STK32B: variants seen among roughly 807,000 people sequenced by gnomAD.
STK32B encodes the protein serine/threonine-protein kinase 32B.
A neutral mutation model predicts 52.6 loss-of-function variants in STK32B; 43 were observed. The observed-to-expected ratio is 0.82, with a 90% CI of 0.64 to 1.05. STK32B has a LOEUF of 1.05. Ranked by LOEUF, STK32B falls within the 50% of genes least tolerant of loss-of-function variation. STK32B has a pLI of 0.00. For missense variants in STK32B, 621 were observed against 534.6 expected, an observed-to-expected ratio of 1.16 and a Z score of -1.59; for synonymous variants, 238 against 204.3, an observed-to-expected ratio of 1.17 and a Z score of -1.41.
the STK32B span, among the ~76,000 whole-genome samples, chr4:5,029,127 A>G: frequency 0.66 from 100,475 of 152,044 alleles, 33,774 homozygotes; most frequent in East Asian, 0.96. Flanking sequence ...AGGGATTACA[A>G]TTGAACATGA....
At chr4:5,264,557 C>T (rs1156770836) in intron 3 of STK32B, among the ~76,000 whole-genome samples, 5 of 152,058 alleles carry the variant, frequency 3.3e-5, no homozygotes, top group African/African-American at 4.8e-5. Context: ...GAGGCTGAGG[C>T]GGGCGGATCA....
chr4:5,264,212 T>C (rs1245015920), intron 3 of STK32B, among the ~76,000 whole-genome samples: 1 of 152,190 alleles, frequency 6.6e-6, no homozygotes, highest in Non-Finnish European at 1.5e-5. Context: ...AGTAAGCATA[T>C]TTGTAGCTTT....
chr4:5,312,263 T>A (rs1454245498), intron 3 of STK32B, among the ~76,000 whole-genome samples: 1 of 150,918 alleles, frequency 6.6e-6, no homozygotes, highest in Non-Finnish European at 1.5e-5. Context: ...TTTAGTTTTT[T>A]TTTTATTTTA....
intron 1 of STK32B, among the ~76,000 whole-genome samples, chr4:5,128,168 A>G (rs1173886723): frequency 6.6e-6 from 1 of 152,220 alleles, no homozygotes; most frequent in Non-Finnish European, 1.5e-5. Flanking sequence ...CACAGGGAGC[A>G]TGGTCCTGAG....
At chr4:5,389,564 C>A (rs779876399) in intron 4 of STK32B, among the ~76,000 whole-genome samples, 3 of 152,198 alleles carry the variant, frequency 2.0e-5, no homozygotes, top group Non-Finnish European at 4.4e-5. Context: ...TTTGAGTCTA[C>A]TCTAATGTCC....
the STK32B span, among the ~76,000 whole-genome samples, chr4:5,038,879 A>T: frequency 7.4e-4 from 113 of 151,958 alleles, no homozygotes; most frequent in Middle Eastern, 3.4e-3. Context: ...ACTTACTATA[A>T]CTTTTTTTAC....
intron 3 of STK32B, among the ~76,000 whole-genome samples, chr4:5,328,681 A>C (rs1430749095): frequency 6.6e-6 from 1 of 152,354 alleles, no homozygotes; most frequent in Non-Finnish European, 1.5e-5. Flanking sequence ...ATTTTGCAAG[A>C]ATTACCAAAA....
intron 3 of STK32B, among the ~76,000 whole-genome samples, chr4:5,271,122 G>C (rs949471864): frequency 2.6e-5 from 4 of 152,118 alleles, no homozygotes; most frequent in Non-Finnish European, 4.4e-5. Context: ...ATTTCTAGTA[G>C]AGATGGGGTT....
chr4:5,324,634 G>A (rs112702559), intron 3 of STK32B, among the ~76,000 whole-genome samples: 3,913 of 152,254 alleles, frequency 0.026, 169 homozygotes, highest in African/African-American at 0.088. Flanking sequence ...GATGACAGCA[G>A]CATCCCTCCA....
chr4:5,446,167 G>C (rs1212310835), intron 6 of STK32B, among the ~76,000 whole-genome samples: 2 of 152,264 alleles, frequency 1.3e-5, no homozygotes, highest in Admixed American at 1.3e-4. Context: ...TGTCACGCCA[G>C]TGCTTCCTGT....
intron 3 of STK32B, among the ~76,000 whole-genome samples, chr4:5,208,887 C>A (rs550836343): frequency 6.6e-6 from 1 of 152,378 alleles, no homozygotes; most frequent in East Asian, 1.9e-4. Context: ...CGATGCCTGA[C>A]AAGCAATCTT....
Position 5,059,052 on chromosome 4 carries a change from C to CTTTTTTTTTTTTTT in STK32B, c.52+7153_52+7166dup, listed in dbSNP as rs3072775. Among the ~76,000 whole-genome samples, 831 of 86,874 alleles carry CTTTTTTTTTTTTTT rather than the reference C, an allele frequency of 9.6e-3. 177 individuals carry two copies. The highest frequency in any genetic ancestry group is 0.013 in the Non-Finnish European group (602 of 47,860). 57.0% of individuals were successfully genotyped at this position (86,874 alleles called of 152,430 possible). A position where few individuals can be genotyped will look rare whatever the true frequency, so the allele number is the denominator to read the frequency against. On this transcript the variant is annotated intron_variant, in intron 1 of 11. Transcript: ENST00000282908. The stretch of plus-strand genomic sequence containing the variant: ...AGGCGTGAGCCACCACGCCCAGCTG[C>CTTTTTTTTTTTTTT]TTTTTTTTTTTTTTTTTTTTTTTTT...
chr4:5,155,720 C>T (rs1717772978), intron 2 of STK32B, among the ~76,000 whole-genome samples: 1 of 152,124 alleles, frequency 6.6e-6, no homozygotes, highest in Non-Finnish European at 1.5e-5. Context: ...CTCTCTTTCT[C>T]CTCCTGCCTT....
In STK32B at chr4:5,168,455, G is replaced by A; in HGVS notation, c.260+5G>A. The A allele has an allele frequency of 6.2e-7, 1 of 1,611,108 alleles. No homozygotes were observed. Among genetic ancestry groups the A allele is most frequent in the Non-Finnish European group, 8.5e-7 (1 of 1,178,448 alleles). ...CCCCTTCCTGGTCAATCTGTGGTGA[G>A]TGTGGCTCCATCCAGGGCTCCTGTG... On this transcript the variant is annotated splice_donor_5th_base_variant and intron_variant, in intron 3 of 11. Coordinates refer to ENST00000282908, the MANE Select transcript of STK32B (RefSeq NM_018401.3).
intron 1 of STK32B, among the ~76,000 whole-genome samples, chr4:5,055,326 T>C (rs1298023680): frequency 6.6e-6 from 1 of 151,810 alleles, no homozygotes; most frequent in Non-Finnish European, 1.5e-5. Context: ...AAAGTGCTTT[T>C]AGGGGAATAA....
chr4:5,236,012 G>A lies in STK32B; in HGVS notation c.260+67562G>A, dbSNP rs1018998174. ...TTAGACTTCAGGAAAACAAGGTCTG[G>A]CACAGCCAGAGCAGCCAGGAGGGGG... is the stretch of plus-strand genomic sequence containing the variant. On this transcript the variant is annotated intron_variant, in intron 3 of 11. Transcript: ENST00000282908. Among the ~76,000 whole-genome samples, 3 of 152,116 alleles carry A rather than the reference G, an allele frequency of 2.0e-5. No homozygotes were observed. In the East Asian group the frequency reaches 5.8e-4, roughly 29 times the overall value.
chr4:5,172,324 G>A (rs536791027), intron 3 of STK32B, among the ~76,000 whole-genome samples: 1 of 152,050 alleles, frequency 6.6e-6, no homozygotes, highest in African/African-American at 2.4e-5. Context: ...TGATTGCCCT[G>A]GCCAGAACCT....
In STK32B at chr4:5,500,519, C is replaced by G. The variant is rs1720642141; in HGVS notation, c.*1436C>G. ...TTTGATATTTGTTTGTTACATCCTG[C>G]TGAAGTTCGACTGTGTTTTTATTTT... On this transcript the variant is annotated 3_prime_UTR_variant, in exon 12 of 12. Coordinates refer to ENST00000282908, the MANE Select transcript of STK32B (RefSeq NM_018401.3). 1 of 152,192 alleles carries G rather than the reference C, an allele frequency of 6.6e-6. No homozygotes were observed. The highest frequency in any genetic ancestry group is 2.1e-4 in the South Asian group (1 of 4,828). The allele number at this position is 152,192 out of a possible 1,614,324, so 9.4% of individuals were successfully genotyped here. A position where few individuals can be genotyped will look rare whatever the true frequency, so the allele number is the denominator to read the frequency against.
At chr4:5,077,320 A>C (rs1712142599) in intron 1 of STK32B, among the ~76,000 whole-genome samples, 1 of 151,888 alleles carries the variant, frequency 6.6e-6, no homozygotes, top group Non-Finnish European at 1.5e-5. Context: ...GCACGCAGGC[A>C]TTTCCTTTTA....
Sources: gnomAD v4.1 joint callset for allele counts (sites outside exome capture counted in the v4.1 genomes callset) on GRCh38, gnomAD v4.1.1 for gene constraint, MANE v1.5 for transcripts, NCBI Gene and HGNC (gene_info 2026-07-23, HGNC 2026-07-21) for gene names.